CNTNAP2: variants seen among roughly 807,000 people sequenced by gnomAD.
The protein encoded by CNTNAP2 is contactin-associated protein-like 2.
A neutral mutation model predicts 155.2 loss-of-function variants in CNTNAP2; 98 were observed. The observed-to-expected ratio is 0.63, with a 90% confidence interval of 0.54 to 0.75. The LOEUF is 0.75. Among genes scored for constraint, CNTNAP2 ranks in the 30% least tolerant of loss-of-function variants. The pLI, the probability that CNTNAP2 is intolerant of heterozygous loss-of-function variation, is 0.00. For synonymous variants in CNTNAP2, 651 were observed against 631.2 expected, an observed-to-expected ratio of 1.03 and a Z score of -0.47; for missense variants, 1,727 against 1,688.1, an observed-to-expected ratio of 1.02 and a Z score of -0.40.
intron 11 of CNTNAP2, among the ~76,000 whole-genome samples, chr7:147,516,303 A>G (rs1799125830): frequency 6.6e-6 from 1 of 152,188 alleles, no homozygotes; most frequent in African/African-American, 2.4e-5. Flanking sequence ...ATGATTCACT[A>G]TGTACAGTTT....
intron 12 of CNTNAP2, among the ~76,000 whole-genome samples, chr7:147,580,442 T>G (rs1800477112): frequency 6.6e-6 from 1 of 152,142 alleles, no homozygotes; most frequent in Non-Finnish European, 1.5e-5. Flanking sequence ...ATGAAAAAAT[T>G]GAGACTTATG....
At chr7:147,317,830 G>A (rs547274619) in intron 9 of CNTNAP2, among the ~76,000 whole-genome samples, 22 of 151,528 alleles carry the variant, frequency 1.5e-4, no homozygotes, top group Admixed American at 1.1e-3. Context: ...GTGTGTGTGC[G>A]TGTATATATG....
At chr7:147,234,794 G>T (rs1160117230) in intron 8 of CNTNAP2, among the ~76,000 whole-genome samples, 2 of 152,088 alleles carry the variant, frequency 1.3e-5, no homozygotes, top group African/African-American at 2.4e-5. Flanking sequence ...TGCAGACTTG[G>T]TCTTCATTTG....
intron 11 of CNTNAP2, among the ~76,000 whole-genome samples, chr7:147,557,118 G>A (rs1162792743): frequency 6.6e-6 from 1 of 151,956 alleles, no homozygotes; most frequent in East Asian, 1.9e-4. Context: ...ACAAAAATTA[G>A]CCAGACATGT....
chr7:147,370,815 T>G (rs940707224), intron 9 of CNTNAP2, among the ~76,000 whole-genome samples: 2 of 152,116 alleles, frequency 1.3e-5, no homozygotes, highest in African/African-American at 4.8e-5. Flanking sequence ...AATCACTTAT[T>G]TTTTTAATTA....
At chr7:147,939,124 T>A (rs1271471202) in intron 14 of CNTNAP2, among the ~76,000 whole-genome samples, 7 of 152,282 alleles carry the variant, frequency 4.6e-5, no homozygotes, top group Non-Finnish European at 4.4e-5. Context: ...ACATAAAACA[T>A]ACAATTTTGA....
intron 1 of CNTNAP2, among the ~76,000 whole-genome samples, chr7:146,230,550 G>C (rs1271435731): frequency 6.6e-6 from 1 of 152,114 alleles, no homozygotes; most frequent in Non-Finnish European, 1.5e-5. Flanking sequence ...CAATAGAAAA[G>C]AAAAATTTTA....
In CNTNAP2 at chr7:146,297,748, A is replaced by G. The variant is rs570645534; in HGVS notation, c.97+180775A>G. Among the ~76,000 whole-genome samples the G allele has an allele frequency of 2.0e-5, 3 of 152,214 alleles. No individual in the cohort carries two copies. In the East Asian group the frequency reaches 5.8e-4, roughly 29 times the overall value. Reference sequence around the variant, plus strand: ...TTCCAATGTTTATTTGTAGTGCTATACTCATAAGCATACCTTCTATAAATA... The same window carrying G: ...TTCCAATGTTTATTTGTAGTGCTATGCTCATAAGCATACCTTCTATAAATA... On this transcript the variant is annotated intron_variant, in intron 1 of 23. Coordinates refer to ENST00000361727, the MANE Select transcript of CNTNAP2 (RefSeq NM_014141.6).
chr7:146,740,423 T>C (rs1801692872), intron 1 of CNTNAP2, among the ~76,000 whole-genome samples: 1 of 152,168 alleles, frequency 6.6e-6, no homozygotes, highest in Non-Finnish European at 1.5e-5. Flanking sequence ...TTTTATATTA[T>C]TTTCAGGCAC....
chr7:147,961,770 G>A (rs1413954894), intron 14 of CNTNAP2, among the ~76,000 whole-genome samples: 1 of 152,052 alleles, frequency 6.6e-6, no homozygotes, highest in African/African-American at 2.4e-5. Flanking sequence ...CAGAATCTTG[G>A]TCATCGAATA....
intron 4 of CNTNAP2, among the ~76,000 whole-genome samples, chr7:147,054,432 C>T (rs998071237): frequency 7.2e-5 from 11 of 152,036 alleles, no homozygotes; most frequent in South Asian, 2.1e-4. Flanking sequence ...TCCTGAGATA[C>T]GTTAACTACT....
chr7:148,098,913 G>A (rs1200603094), intron 15 of CNTNAP2, among the ~76,000 whole-genome samples: 1 of 152,138 alleles, frequency 6.6e-6, no homozygotes, highest in African/African-American at 2.4e-5. Context: ...TGCCAGGGAA[G>A]CCCAGAATAA....
At chr7:146,793,459 T>A (rs1802709784) in intron 2 of CNTNAP2, among the ~76,000 whole-genome samples, 1 of 152,358 alleles carries the variant, frequency 6.6e-6, no homozygotes, top group Admixed American at 6.5e-5. Flanking sequence ...TGTAATCATA[T>A]GCAGTGGCAT....
At chr7:146,233,509 C>T (rs1324011970) in intron 1 of CNTNAP2, among the ~76,000 whole-genome samples, 5 of 151,728 alleles carry the variant, frequency 3.3e-5, no homozygotes, top group Non-Finnish European at 7.4e-5. Context: ...TACATGTGCA[C>T]AATGTGCACG....
chr7:146,239,326 G>A (rs1030242015), intron 1 of CNTNAP2, among the ~76,000 whole-genome samples: 3 of 152,150 alleles, frequency 2.0e-5, no homozygotes, highest in South Asian at 4.1e-4. Context: ...TTCTGCTGAG[G>A]TTTAGCATTC....
chr7:147,230,496 A>G (rs1371712599), intron 8 of CNTNAP2, among the ~76,000 whole-genome samples: 1 of 152,100 alleles, frequency 6.6e-6, no homozygotes, highest in Non-Finnish European at 1.5e-5. Flanking sequence ...GACCTCGTCC[A>G]TGTCAGCCTC....
chr7:146,263,947 C>T (rs569159381), intron 1 of CNTNAP2, among the ~76,000 whole-genome samples: 25 of 152,182 alleles, frequency 1.6e-4, no homozygotes, highest in African/African-American at 3.4e-4. Flanking sequence ...CAGAAATGAA[C>T]GGAGCTAAAT....
intron 21 of CNTNAP2, among the ~76,000 whole-genome samples, chr7:148,316,622 C>G (rs558460286): frequency 6.6e-6 from 1 of 152,264 alleles, no homozygotes; most frequent in African/African-American, 2.4e-5. Flanking sequence ...TTTCCTAGCC[C>G]TTGCAAGATC....
At chr7:146,433,698 C>T (rs952900303) in intron 1 of CNTNAP2, among the ~76,000 whole-genome samples, 5 of 152,100 alleles carry the variant, frequency 3.3e-5, no homozygotes, top group Non-Finnish European at 7.4e-5. Context: ...GATGGTCCCT[C>T]ATCACGCTGT....
Sources: allele counts gnomAD v4.1 joint callset (sites outside exome capture counted in the v4.1 genomes callset), GRCh38; gene constraint gnomAD v4.1.1; transcripts MANE v1.5; gene names NCBI Gene and HGNC (gene_info 2026-07-23, HGNC 2026-07-21).